Variants in LONRF2 observed in about 807,000 individuals in gnomAD.
LONRF2 encodes the protein LON peptidase N-terminal domain and RING finger protein 2.
In LONRF2, 35 loss-of-function variants were observed where a neutral mutation model predicts 66.6. The observed-to-expected ratio is 0.53, with a 90% CI of 0.40 to 0.70. LONRF2 has a LOEUF of 0.70. Ranked by LOEUF, LONRF2 falls within the 30% of genes least tolerant of loss-of-function variation. LONRF2 has a pLI of 0.00. For missense variants in LONRF2, 902 were observed against 1,002.1 expected (o/e 0.90, Z 1.35); for synonymous variants, 417 against 418.1 (o/e 1.00, Z 0.03).
Position 100,321,870 on chromosome 2 carries a change from G to A in LONRF2, c.224C>T (p.Pro75Leu). The A allele has an allele frequency of 1.7e-6, 2 of 1,208,504 alleles. No homozygotes were observed. Among genetic ancestry groups the A allele is most frequent in the Non-Finnish European group, 2.1e-6 (2 of 974,532 alleles). 74.9% of individuals were successfully genotyped at this position (1,208,504 alleles called of 1,614,324 possible). ...GCCGCGGAACGCGCCCAGGGCTTCG[G>A]GGAGGCGGCCGGCGCGGGCCAGCGC... ...GDALARAGRL[P>L]EALGAFRGAA... The change falls in exon 1 of 12, where the codon CCC (proline) becomes CTC (leucine). Residue 75 changes from proline (P) to leucine (L), a missense_variant. Transcript: ENST00000393437.
At chr2:100,296,916 G>A (rs1675079459) in intron 7 of LONRF2, among the ~76,000 whole-genome samples, 1 of 152,064 alleles carries the variant, frequency 6.6e-6, no homozygotes, top group Non-Finnish European at 1.5e-5. Context: ...TGTGACTCCC[G>A]CATTGAAGAA....
At chr2:100,314,967 A>C (rs1054332460) in intron 1 of LONRF2, among the ~76,000 whole-genome samples, 1 of 152,156 alleles carries the variant, frequency 6.6e-6, no homozygotes, top group African/African-American at 2.4e-5. Flanking sequence ...GCCATTCATC[A>C]ATTTCCACCA....
intron 11 of LONRF2, among the ~76,000 whole-genome samples, chr2:100,285,943 AAAC>A (rs993631377): frequency 3.3e-5 from 5 of 152,210 alleles, no homozygotes; most frequent in Non-Finnish European, 5.9e-5. Flanking sequence ...TTTGGTTAAT[AAAC>A]AACAACTCCT....
intron 7 of LONRF2, among the ~76,000 whole-genome samples, chr2:100,297,032 A>C (rs1212243083): frequency 6.6e-6 from 1 of 152,194 alleles, no homozygotes; most frequent in African/African-American, 2.4e-5. Context: ...TCATTCATTC[A>C]ACAAAGACTT....
chr2:100,300,027 G>GGT, intron 4 of LONRF2, 109 bp from the exon 5 acceptor site: 2 of 473,238 alleles, frequency 4.2e-6, no homozygotes, highest in Non-Finnish European at 7.5e-6. Flanking sequence ...AAAGGGGGGG[G>GGT]CATACACTCT....
intron 1 of LONRF2, among the ~76,000 whole-genome samples, chr2:100,315,037 A>C (rs1675477386): frequency 6.6e-6 from 1 of 152,234 alleles, no homozygotes; most frequent in Non-Finnish European, 1.5e-5. Flanking sequence ...ATCAGCAGAG[A>C]ACTGACGTCT....
At position 100,295,463 on chromosome 2, in the gene LONRF2, T is replaced by G. The variant is rs150644363; in HGVS notation, c.1567A>C (p.Ile523Leu). ...AGTTCTGACATTTCTTCATCATAAA[T>G]TCTCTTCCTATCAGACAATTCATCC... Reference protein sequence around the residue: ...LPDELSDRKRIYDEEMSELSN... With the variant: ...LPDELSDRKRLYDEEMSELSN... The change falls in exon 8 of 12, where the codon ATT (isoleucine) becomes CTT (leucine). Residue 523 changes from isoleucine to leucine, a missense_variant. Physicochemically the swap from Ile to Leu is conservative, Grantham distance 5. This residue lies in a region of LONRF2 where 317 missense variants were observed against 432.2 expected (regional missense o/e 0.73). Transcript: ENST00000393437. 3.1e-5 allele frequency: 50 copies of G among 1,613,828 alleles called. No homozygotes were observed. Among genetic ancestry groups the G allele is most frequent in the Non-Finnish European group, 4.0e-5 (47 of 1,179,932 alleles).
chr2:100,294,401 G>T lies in LONRF2; in HGVS notation c.1599-14C>A, dbSNP rs527518559. ...TCTCTGGTCAGACTGCAGAGCAAGG[G>T]GACATGTTATCTCAGATGTATGAGC... On this transcript the variant is annotated splice_polypyrimidine_tract_variant and intron_variant, in intron 8 of 11. Coordinates refer to ENST00000393437, the MANE Select transcript of LONRF2 (RefSeq NM_198461.4). 2 of 1,549,290 alleles carry T rather than the reference G, an allele frequency of 1.3e-6. No homozygotes were observed. Among genetic ancestry groups the T allele is most frequent in the African/African-American group, 1.4e-5 (1 of 71,772 alleles).
chr2:100,313,365 C>T (rs1003100912), intron 1 of LONRF2, among the ~76,000 whole-genome samples: 1 of 152,056 alleles, frequency 6.6e-6, no homozygotes, highest in Non-Finnish European at 1.5e-5. Flanking sequence ...TGTGGTGGAA[C>T]ATGCCTGTAA....
In LONRF2 at chr2:100,284,375, G is replaced by A. The variant is rs772870841; in HGVS notation, c.2188C>T (p.Arg730Ter). ...TSLKERLLAI[R>*]RILVIITRKM... ...CGCGTGATGATGACTAATATCCGTCGGATGGCAAGGAGCCGCTCTTTGAGC... is the reference window on the plus strand; with the variant it reads ...CGCGTGATGATGACTAATATCCGTCAGATGGCAAGGAGCCGCTCTTTGAGC... The change falls in exon 12 of 12, where the codon CGA (arginine) becomes TGA (stop). Residue 730 changes from arginine (R) to a stop codon, truncating the protein, a stop_gained. Transcript: ENST00000393437. LOFTEE classifies it low-confidence loss of function (END_TRUNC). 2.5e-6 allele frequency: 4 copies of A among 1,598,280 alleles called. No homozygotes were observed. Among genetic ancestry groups the A allele is most frequent in the African/African-American group, 1.3e-5 (1 of 74,872 alleles).
intron 1 of LONRF2, among the ~76,000 whole-genome samples, chr2:100,317,029 C>T (rs985650690): frequency 1.3e-5 from 2 of 152,146 alleles, no homozygotes; most frequent in African/African-American, 4.8e-5. Flanking sequence ...TTGTTGCCAT[C>T]CTACTAATTT....
In LONRF2 at chr2:100,284,478, G is replaced by A; in HGVS notation, c.2085C>T (p.Gly695=). Residue 695 remains glycine (G), a synonymous_variant, in exon 12 of 12, where the codon GGC becomes GGT. Transcript: ENST00000393437. The part of the protein sequence containing the change: ...REPEPQSNPS[G]PAWSWWILAV... ...CCAGGATCCACCAGGACCAGGCAGG[G>A]CCGCTGGGATTACTCTGCAAAAGAG... is the stretch of plus-strand genomic sequence containing the variant. 1 of 1,591,444 alleles carries A rather than the reference G, an allele frequency of 6.3e-7. No individual in the cohort carries two copies. Among genetic ancestry groups the A allele is most frequent in the Non-Finnish European group, 8.6e-7 (1 of 1,169,274 alleles).
chr2:100,308,072 T>C (rs1462964052), intron 2 of LONRF2, among the ~76,000 whole-genome samples: 1 of 152,214 alleles, frequency 6.6e-6, no homozygotes, highest in Non-Finnish European at 1.5e-5. Flanking sequence ...GCATTTGTTT[T>C]AAAAGATGGG....
chr2:100,300,263 A>ATTT, intron 4 of LONRF2, among the ~76,000 whole-genome samples: 1 of 108,062 alleles, frequency 9.3e-6, no homozygotes, highest in Non-Finnish European at 1.9e-5. Flanking sequence ...TTTTTTTTTA[A>ATTT]ATTACACTTT....
rs1202082147 is a variant in LONRF2 at position 100,279,832 on chromosome 2, T to C, written c.*4466A>G. The C allele has an allele frequency of 6.6e-6, 1 of 152,198 alleles. No individual in the cohort carries two copies. Among genetic ancestry groups the C allele is most frequent in the Non-Finnish European group, 1.5e-5 (1 of 68,060 alleles). The allele number at this position is 152,198 out of a possible 1,614,324, so 9.4% of individuals were successfully genotyped here. A position where few individuals can be genotyped will look rare whatever the true frequency, so the allele number is the denominator to read the frequency against. ...TATTCAGACCAGCCAGTCTTAGCTA[T>C]TTCCCTGCCCTTTCCTGCAGAACAT... On this transcript the variant is annotated 3_prime_UTR_variant, in exon 12 of 12. Coordinates refer to ENST00000393437, the MANE Select transcript of LONRF2 (RefSeq NM_198461.4).
chr2:100,287,852 G>A (rs1047140084), intron 10 of LONRF2, among the ~76,000 whole-genome samples: 2 of 152,138 alleles, frequency 1.3e-5, no homozygotes, highest in Admixed American at 6.6e-5. Flanking sequence ...TCACAGCCTC[G>A]TTAGGGCAGA....
Position 100,277,225 on chromosome 2 carries a change from T to C in LONRF2, c.*7073A>G, listed in dbSNP as rs763386667. On this transcript the variant is annotated 3_prime_UTR_variant, in exon 12 of 12. Coordinates refer to ENST00000393437, the MANE Select transcript of LONRF2 (RefSeq NM_198461.4). ...AAGCTCTATGCAGCCCTGGAGTCTCTGGCCCACTTAGGATGGACATAAGGT... is the reference window on the plus strand; with the variant it reads ...AAGCTCTATGCAGCCCTGGAGTCTCCGGCCCACTTAGGATGGACATAAGGT... 1 of 152,174 alleles carries C rather than the reference T, an allele frequency of 6.6e-6. No individual in the cohort carries two copies. Among genetic ancestry groups the C allele is most frequent in the Non-Finnish European group, 1.5e-5 (1 of 68,046 alleles). 9.4% of individuals were successfully genotyped at this position (152,174 alleles called of 1,614,324 possible).
At position 100,294,281 on chromosome 2, in the gene LONRF2, T is replaced by C. The variant is rs749744759; in HGVS notation, c.1705A>G (p.Met569Val). 8.1e-6 allele frequency: 13 copies of C among 1,608,700 alleles called. No homozygotes were observed. The highest frequency in any genetic ancestry group is 1.3e-5 in the African/African-American group (1 of 74,630). The change falls in exon 9 of 12, where the codon ATG (methionine) becomes GTG (valine). Residue 569 changes from methionine (M) to valine (V), a missense_variant. Physicochemically the swap from Met to Val is conservative, Grantham distance 21. Transcript: ENST00000393437. ...PRYRLMIRRC[M>V]ETGTKRFGMC... ...CCAAACCGCTTGGTGCCAGTTTCCA[T>C]GCATCTTCTTATCATAAGCCGATAG... is the stretch of plus-strand genomic sequence containing the variant.
intron 8 of LONRF2, among the ~76,000 whole-genome samples, chr2:100,294,665 A>G (rs1029603372): frequency 6.6e-6 from 1 of 152,200 alleles, no homozygotes; most frequent in African/African-American, 2.4e-5. Flanking sequence ...AAGCACTCTA[A>G]AAAAATTCTG....
Sources: gnomAD v4.1 joint callset for allele counts (sites outside exome capture counted in the v4.1 genomes callset) on GRCh38, gnomAD v4.1.1 for gene constraint, gnomAD v4.1.1 regional missense constraint, MANE v1.5 for transcripts, NCBI Gene and HGNC (gene_info 2026-07-23, HGNC 2026-07-21) for gene names.